SLC8A1: variants seen among roughly 807,000 people sequenced by gnomAD.
The protein encoded by SLC8A1 is sodium/calcium exchanger 1.
A neutral mutation model predicts 68.3 loss-of-function variants in SLC8A1; 18 were observed. The observed-to-expected ratio is 0.26, with a 90% CI of 0.18 to 0.39. The LOEUF (loss-of-function observed/expected upper bound fraction) is 0.39, where lower values mean the gene tolerates loss of function less well. Ranked by LOEUF, SLC8A1 falls within the 10% of genes least tolerant of loss-of-function variation. The pLI is 1.00. For synonymous variants in SLC8A1, 475 were observed against 415.5 expected (o/e 1.14, Z -1.74); for missense variants, 985 against 1,156.7 (o/e 0.85, Z 2.15).
intron 1 of SLC8A1, among the ~76,000 whole-genome samples, chr2:40,465,391 A>T (rs1703607742): frequency 6.6e-6 from 1 of 152,196 alleles, no homozygotes; most frequent in Admixed American, 6.5e-5. Context: ...ATATTGAAGA[A>T]AAAGTGTACT....
rs1558723789 is a variant in SLC8A1 at position 40,200,253 on chromosome 2, TA to T, written c.1809-22399del. Among the ~76,000 whole-genome samples the T allele has an allele frequency of 5.4e-4, 19 of 35,108 alleles. 2 individuals are homozygous for T. Among genetic ancestry groups the T allele is most frequent in the African/African-American group, 1.3e-3 (19 of 14,866 alleles). 23.0% of individuals were successfully genotyped at this position (35,108 alleles called of 152,430 possible). A position where few individuals can be genotyped will look rare whatever the true frequency, so the allele number is the denominator to read the frequency against. On this transcript the variant is annotated intron_variant, in intron 2 of 7. Coordinates refer to ENST00000406785, the Ensembl canonical transcript of SLC8A1. Reference sequence around the variant, plus strand: ...ATATATATATAAATATATATATATATATATATATATATATAACCTCTTTTAG... The same window carrying T: ...ATATATATATAAATATATATATATATTATATATATATATAACCTCTTTTAG...
intron 2 of SLC8A1, among the ~76,000 whole-genome samples, chr2:40,266,869 G>C (rs976587798): frequency 6.6e-6 from 1 of 152,154 alleles, no homozygotes; most frequent in Non-Finnish European, 1.5e-5. Flanking sequence ...TTATTTAACA[G>C]GCATGACTGG....
chr2:40,347,808 G>T (rs1669819283), intron 2 of SLC8A1, among the ~76,000 whole-genome samples: 2 of 152,076 alleles, frequency 1.3e-5, no homozygotes, highest in South Asian at 4.1e-4. Context: ...TGAATTTAAA[G>T]CAAGATTTCT....
intron 6 of SLC8A1, among the ~76,000 whole-genome samples, chr2:40,147,124 A>G (rs1044211596): frequency 6.6e-6 from 1 of 152,210 alleles, no homozygotes; most frequent in African/African-American, 2.4e-5. Context: ...GCCACTGTCC[A>G]AATGAAAAAC....
At chr2:40,110,370 A>T (rs1227138487) in exon 8 of SLC8A1, 1 of 152,222 alleles carries the variant, frequency 6.6e-6, no homozygotes, top group Non-Finnish European at 1.5e-5. Flanking sequence ...GATGGTTAGA[A>T]GTGGTGAGTA....
At chr2:40,122,229 T>TGC (rs757797937) in intron 7 of SLC8A1, among the ~76,000 whole-genome samples, 1 of 149,702 alleles carries the variant, frequency 6.7e-6, no homozygotes, top group African/African-American at 2.5e-5. Context: ...CACACACGTG[T>TGC]GCGCGCGCAC....
intron 7 of SLC8A1, among the ~76,000 whole-genome samples, chr2:40,134,948 C>G (rs1319571185): frequency 6.6e-6 from 1 of 152,176 alleles, no homozygotes; most frequent in African/African-American, 2.4e-5. Context: ...AACTGGTTGA[C>G]TACTTCACAG....
intron 2 of SLC8A1, among the ~76,000 whole-genome samples, chr2:40,386,780 C>G (rs550115179): frequency 6.6e-6 from 1 of 150,932 alleles, no homozygotes; most frequent in African/African-American, 2.5e-5. Flanking sequence ...GTTTTATAAG[C>G]AAACAGGCCA....
intron 2 of SLC8A1, among the ~76,000 whole-genome samples, chr2:40,371,777 C>T (rs1041866082): frequency 6.6e-6 from 1 of 152,102 alleles, no homozygotes. Context: ...ATCATATCCT[C>T]TGGAAACCCG....
At chr2:40,137,490 T>C (rs1401571053) in intron 7 of SLC8A1, among the ~76,000 whole-genome samples, 1 of 152,206 alleles carries the variant, frequency 6.6e-6, no homozygotes, top group Non-Finnish European at 1.5e-5. Context: ...GGACACAATG[T>C]GATTCAGTGA....
intron 1 of SLC8A1, among the ~76,000 whole-genome samples, chr2:40,495,890 C>T (rs545759346): frequency 6.6e-5 from 10 of 152,046 alleles, no homozygotes; most frequent in African/African-American, 2.4e-4. Flanking sequence ...TCATAAAGAA[C>T]TGTCAATGAT....
chr2:40,270,177 T>G (rs960617426), intron 2 of SLC8A1, among the ~76,000 whole-genome samples: 1 of 152,212 alleles, frequency 6.6e-6, no homozygotes, highest in Non-Finnish European at 1.5e-5. Context: ...AAGTCCAGTT[T>G]TTTATGCCAG....
At chr2:40,219,978 T>C (rs562065647) in intron 2 of SLC8A1, among the ~76,000 whole-genome samples, 4 of 151,614 alleles carry the variant, frequency 2.6e-5, no homozygotes, top group Non-Finnish European at 4.4e-5. Flanking sequence ...ATAAATAAGA[T>C]TTTTTTCTTA....
chr2:40,493,527 A>G (rs1478957720), intron 1 of SLC8A1, among the ~76,000 whole-genome samples: 1 of 151,660 alleles, frequency 6.6e-6, no homozygotes, highest in Non-Finnish European at 1.5e-5. Context: ...AAAATTTAAA[A>G]AAAAAGAAGC....
intron 2 of SLC8A1, among the ~76,000 whole-genome samples, chr2:40,419,813 G>A (rs922740260): frequency 1.5e-4 from 23 of 152,090 alleles, no homozygotes; most frequent in African/African-American, 5.3e-4. Flanking sequence ...ATGTGTGTGT[G>A]TAAGACAAAT....
chr2:40,186,226 G>A (rs6758015), intron 2 of SLC8A1, among the ~76,000 whole-genome samples: 18,045 of 152,244 alleles, frequency 0.12, 1,172 homozygotes, highest in African/African-American at 0.13. Flanking sequence ...TGCAAAGTCA[G>A]TAGCTCTGTT....
chr2:40,131,099 C>T (rs1367488418), intron 7 of SLC8A1, among the ~76,000 whole-genome samples: 2 of 152,138 alleles, frequency 1.3e-5, no homozygotes, highest in Non-Finnish European at 2.9e-5. Flanking sequence ...TTTATAAATT[C>T]TCTCTCATGT....
chr2:40,110,637 T>A (rs1384658513), exon 8 of SLC8A1: 1 of 152,124 alleles, frequency 6.6e-6, no homozygotes, highest in Non-Finnish European at 1.5e-5. Context: ...TCAGGTGAGA[T>A]CCAATATTAC....
chr2:40,119,180 C>T (rs567988394), intron 7 of SLC8A1, among the ~76,000 whole-genome samples: 1 of 152,254 alleles, frequency 6.6e-6, no homozygotes, highest in East Asian at 1.9e-4. Flanking sequence ...TTTCAAATGT[C>T]TTTCTTTGAA....
Sources: gnomAD v4.1 joint callset for allele counts (sites outside exome capture counted in the v4.1 genomes callset) on GRCh38, gnomAD v4.1.1 for gene constraint, MANE v1.5 for transcripts, NCBI Gene and HGNC (gene_info 2026-07-23, HGNC 2026-07-21) for gene names.